The following SPAG9 variants were observed in gnomAD, a reference collection of about 807,000 sequenced individuals.
The protein encoded by SPAG9 is C-Jun-amino-terminal kinase-interacting protein 4.
Under a neutral mutation model 166.5 loss-of-function variants are expected in SPAG9, and 35 were observed. That is an observed-to-expected ratio of 0.21 (90% confidence interval 0.16 to 0.28). The LOEUF (loss-of-function observed/expected upper bound fraction) is 0.28, where lower values mean the gene tolerates loss of function less well. Ranked by LOEUF, SPAG9 falls within the 10% of genes least tolerant of loss-of-function variation. SPAG9 has a pLI of 1.00. For synonymous variants in SPAG9, 534 were observed against 565.5 expected, an observed-to-expected ratio of 0.94 and a Z score of 0.79; for missense variants, 1,235 against 1,603.3, an observed-to-expected ratio of 0.77 and a Z score of 3.92.
At chr17:51,103,161 C>T (rs532420038) in intron 1 of SPAG9, among the ~76,000 whole-genome samples, 52 of 152,164 alleles carry the variant, frequency 3.4e-4, no homozygotes, top group African/African-American at 1.2e-3. Context: ...GAAGTAGGAA[C>T]GATAATTTGA....
At chr17:51,097,537 T>C (rs1338482277) in intron 1 of SPAG9, among the ~76,000 whole-genome samples, 2 of 152,022 alleles carry the variant, frequency 1.3e-5, no homozygotes, top group Admixed American at 6.6e-5. Flanking sequence ...AATTATGGTA[T>C]CTACATTATA....
Position 51,001,793 on chromosome 17 carries a change from C to T in SPAG9, c.1529G>A (p.Arg510His). 4 of 1,613,472 alleles carry T rather than the reference C, an allele frequency of 2.5e-6. No individual in the cohort carries two copies. The highest frequency in any genetic ancestry group is 2.5e-6 in the Non-Finnish European group (3 of 1,179,498). ...RKRFTRVEMA[R>H]VLMERNQYKE... ...ATACTGGTTTCGCTCCATGAGAACACGGGCCATTTCTACTCTAGTAAACCG... is the reference window on the plus strand; with the variant it reads ...ATACTGGTTTCGCTCCATGAGAACATGGGCCATTTCTACTCTAGTAAACCG... The change falls in exon 13 of 30, where the codon CGT becomes CAT. Residue 510 changes from arginine (R) to histidine (H), a missense_variant. Transcript: ENST00000262013.
chr17:50,980,783 A>G (rs1350787293), intron 25 of SPAG9, among the ~76,000 whole-genome samples: 1 of 114,720 alleles, frequency 8.7e-6, no homozygotes, highest in Admixed American at 8.1e-5. Context: ...GGACTATTTG[A>G]GCCCAGGAGT....
At chr17:51,102,922 C>T (rs923064575) in intron 1 of SPAG9, among the ~76,000 whole-genome samples, 48 of 152,146 alleles carry the variant, frequency 3.2e-4, no homozygotes, top group African/African-American at 9.6e-4. Context: ...TTGCTATACC[C>T]GGCTTGAATT....
At chr17:51,113,083 G>A (rs2049168602) in intron 1 of SPAG9, among the ~76,000 whole-genome samples, 1 of 152,208 alleles carries the variant, frequency 6.6e-6, no homozygotes, top group African/African-American at 2.4e-5. Context: ...GCCGGGCGTG[G>A]TGGCTCACAC....
At chr17:51,024,879 C>T (rs1783692322) in intron 6 of SPAG9, among the ~76,000 whole-genome samples, 2 of 151,408 alleles carry the variant, frequency 1.3e-5, no homozygotes, top group African/African-American at 4.9e-5. Context: ...GAGGGTAGAT[C>T]TCATATTAAA....
chr17:50,979,666 C>T (rs1974451438), intron 26 of SPAG9, 80 bp downstream of exon 26: 1 of 1,379,000 alleles, frequency 7.3e-7, no homozygotes, highest in African/African-American at 1.4e-5. Context: ...CAAAGCAAGA[C>T]CTCATTTCAA....
intron 3 of SPAG9, among the ~76,000 whole-genome samples, chr17:51,052,395 C>T (rs2047205900): frequency 6.6e-6 from 1 of 151,978 alleles, no homozygotes; most frequent in African/African-American, 2.4e-5. Flanking sequence ...TCAAAGCAGC[C>T]CTATATATGT....
At chr17:50,972,560 C>T (rs1176981317) in intron 28 of SPAG9, among the ~76,000 whole-genome samples, 1 of 152,218 alleles carries the variant, frequency 6.6e-6, no homozygotes, top group Non-Finnish European at 1.5e-5. Flanking sequence ...TCTAAGCCAA[C>T]CCTCTTAGCA....
At chr17:51,062,027 A>C (rs1263381267) in intron 2 of SPAG9, among the ~76,000 whole-genome samples, 1 of 152,206 alleles carries the variant, frequency 6.6e-6, no homozygotes, top group Non-Finnish European at 1.5e-5. Context: ...TTTTTTATTT[A>C]ATAGCAACCA....
chr17:51,115,838 GAAAAGAAAAGAAAAGAAAAGA>G (rs932136257), intron 1 of SPAG9, among the ~76,000 whole-genome samples: 1 of 134,186 alleles, frequency 7.5e-6, no homozygotes, highest in Non-Finnish European at 1.5e-5. Flanking sequence ...CAAAAAAAAA[GAAAAGAAAAGAAAAGAAAAGA>G]AAAAGAAAAG....
At chr17:51,099,778 A>C (rs867392703) in intron 1 of SPAG9, among the ~76,000 whole-genome samples, 7,287 of 147,960 alleles carry the variant, frequency 0.049, 548 homozygotes, top group African/African-American at 0.17. Flanking sequence ...AAAAAAAAAA[A>C]AAAAAAAAAA....
At chr17:51,017,810 A>G (rs1036319950) in intron 8 of SPAG9, among the ~76,000 whole-genome samples, 1 of 152,148 alleles carries the variant, frequency 6.6e-6, no homozygotes, top group African/African-American at 2.4e-5. Flanking sequence ...AGGTATTAAC[A>G]CAAAGCTGTT....
At position 50,998,530 on chromosome 17, in the gene SPAG9, A is replaced by G; in HGVS notation, c.1752T>C (p.His584=). 6.2e-7 allele frequency: 1 copy of G among 1,614,156 alleles called. No individual in the cohort carries two copies. Among genetic ancestry groups the G allele is most frequent in the Non-Finnish European group, 8.5e-7 (1 of 1,179,998 alleles). Residue 584 remains histidine, a synonymous_variant, in exon 15 of 30, where the codon CAT becomes CAC. Coordinates refer to ENST00000262013, the MANE Select transcript of SPAG9 (RefSeq NM_001130528.3). ...VNLKYNAPTS[H]VTPSVKKRSS... ...TTCTTTTCTTGACGGACGGAGTAAC[A>G]TGAGACGTGGGTGCATTGTACTTCA... is the stretch of plus-strand genomic sequence containing the variant.
At chr17:50,987,377 T>A in intron 21 of SPAG9, 140 bp from the exon 22 acceptor site, 2 of 740,706 alleles carry the variant, frequency 2.7e-6, no homozygotes, top group Non-Finnish European at 4.1e-6. Flanking sequence ...TATCACTCTG[T>A]CACCCAGGCT....
At chr17:51,052,813 C>A in intron 3 of SPAG9, among the ~76,000 whole-genome samples, 1 of 152,096 alleles carries the variant, frequency 6.6e-6, no homozygotes, top group East Asian at 1.9e-4. Context: ...AATCCCAGCT[C>A]TTTGGGAGGC....
At chr17:51,110,206 T>A (rs899030541) in intron 1 of SPAG9, among the ~76,000 whole-genome samples, 2 of 152,162 alleles carry the variant, frequency 1.3e-5, no homozygotes, top group Non-Finnish European at 2.9e-5. Context: ...TGTGTGTATA[T>A]GTGTATCCAC....
chr17:50,986,765 T>C (rs1975079624), intron 22 of SPAG9, among the ~76,000 whole-genome samples: 4 of 152,224 alleles, frequency 2.6e-5, no homozygotes, highest in Admixed American at 2.6e-4. Flanking sequence ...ATCCCTGTTT[T>C]CCTGCCCACA....
chr17:50,993,655 A>G (rs983677163), intron 19 of SPAG9, 109 bp downstream of exon 19: 8 of 1,038,860 alleles, frequency 7.7e-6, no homozygotes, highest in Non-Finnish European at 1.1e-5. Flanking sequence ...TAACTAGAAC[A>G]TAAGCTTCAT....
Sources: gnomAD v4.1 joint callset for allele counts (sites outside exome capture counted in the v4.1 genomes callset) on GRCh38, gnomAD v4.1.1 for gene constraint, MANE v1.5 for transcripts, NCBI Gene and HGNC (gene_info 2026-07-23, HGNC 2026-07-21) for gene names.